Variants in FYN observed in about 807,000 individuals in gnomAD.
The protein encoded by FYN is FYN proto-oncogene, Src family tyrosine kinase, also known as tyrosine-protein kinase Fyn.
In FYN, 10 loss-of-function variants were observed where a neutral mutation model predicts 70.2. The observed-to-expected ratio is 0.14, with a 90% CI of 0.09 to 0.24. The LOEUF (loss-of-function observed/expected upper bound fraction) is 0.24, where lower values mean the gene tolerates loss of function less well. Among genes scored for constraint, FYN ranks in the 10% least tolerant of loss-of-function variants. FYN has a pLI of 1.00. For missense variants in FYN, 319 were observed against 673.1 expected (o/e 0.47, Z 5.82); for synonymous variants, 236 against 248.6 (o/e 0.95, Z 0.48).
intron 2 of FYN, among the ~76,000 whole-genome samples, chr6:111,834,338 C>T (rs187894646): frequency 2.8e-4 from 43 of 152,146 alleles, no homozygotes; most frequent in African/African-American, 9.2e-4. Flanking sequence ...CATACACACA[C>T]CTATTCCTTT....
chr6:111,751,125 T>C (rs1802465640), intron 3 of FYN, among the ~76,000 whole-genome samples: 1 of 152,260 alleles, frequency 6.6e-6, no homozygotes, highest in Admixed American at 6.5e-5. Context: ...ATTCTTTTCT[T>C]GCTCAACCTC....
intron 3 of FYN, among the ~76,000 whole-genome samples, chr6:111,760,182 C>T (rs748152893): frequency 5.9e-4 from 90 of 152,238 alleles, no homozygotes; most frequent in Non-Finnish European, 9.1e-4. Context: ...GCTCCTGCAA[C>T]CAGCAGCATA....
At chr6:111,801,709 G>C (rs1367829044) in intron 2 of FYN, among the ~76,000 whole-genome samples, 1 of 152,202 alleles carries the variant, frequency 6.6e-6, no homozygotes, top group Admixed American at 6.5e-5. Flanking sequence ...AATGAAAACA[G>C]TGCCTGGGTT....
At chr6:111,724,194 A>G (rs1216478290) in intron 3 of FYN, among the ~76,000 whole-genome samples, 2 of 152,192 alleles carry the variant, frequency 1.3e-5, no homozygotes, top group Admixed American at 1.3e-4. Context: ...ACAGGATTCA[A>G]GGAACGCCGC....
chr6:111,853,664 G>C (rs1002729644), intron 1 of FYN, among the ~76,000 whole-genome samples: 1 of 152,160 alleles, frequency 6.6e-6, no homozygotes, highest in African/African-American at 2.4e-5. Context: ...TGTCACCCAG[G>C]CTGGAGAGCA....
chr6:111,765,186 A>G (rs975915597), intron 3 of FYN, among the ~76,000 whole-genome samples: 2 of 152,148 alleles, frequency 1.3e-5, no homozygotes, highest in African/African-American at 2.4e-5. Flanking sequence ...AGAGGATCAG[A>G]AGAATTTTTA....
intron 2 of FYN, among the ~76,000 whole-genome samples, chr6:111,841,894 T>C (rs1007335696): frequency 2.0e-5 from 3 of 152,044 alleles, no homozygotes; most frequent in African/African-American, 7.2e-5. Flanking sequence ...TGGTCAGTTA[T>C]TACGCATGAT....
chr6:111,766,944 T>C (rs759056536), intron 3 of FYN, among the ~76,000 whole-genome samples: 2 of 152,176 alleles, frequency 1.3e-5, no homozygotes, highest in Non-Finnish European at 1.5e-5. Context: ...TCCTATTGTG[T>C]CCTACAATAT....
chr6:111,796,850 T>G (rs1192587451), intron 2 of FYN, among the ~76,000 whole-genome samples: 1 of 152,152 alleles, frequency 6.6e-6, no homozygotes, highest in Non-Finnish European at 1.5e-5. Context: ...GAAAATGAGA[T>G]GATGAGTCAG....
At chr6:111,690,509 A>ACTACTT (rs1444552956) in intron 12 of FYN, among the ~76,000 whole-genome samples, 4 of 152,168 alleles carry the variant, frequency 2.6e-5, no homozygotes, top group Non-Finnish European at 5.9e-5. Context: ...CCTGCATCTG[A>ACTACTT]CTACTTGGGA....
intron 8 of FYN, 50 bp downstream of exon 8, chr6:111,702,835 C>T: frequency 1.3e-6 from 2 of 1,582,020 alleles, no homozygotes; most frequent in Non-Finnish European, 1.7e-6. Flanking sequence ...TGGGCCTATC[C>T]ACTCCCTCCA....
intron 3 of FYN, among the ~76,000 whole-genome samples, chr6:111,772,126 CTG>C (rs1344634876): frequency 1.3e-5 from 2 of 152,100 alleles, no homozygotes; most frequent in Non-Finnish European, 2.9e-5. Context: ...CATGAGGAGC[CTG>C]TGTGGTACCT....
chr6:111,719,799 G>T lies in FYN; in HGVS notation c.247+6C>A. On this transcript the variant is annotated splice_donor_region_variant and intron_variant, in intron 4 of 13. Transcript: ENST00000354650. ...CTCTCTGCACTCTGTGACTTTGGGG[G>T]CTTACCTGTTCCTCCTCTCGTACGC... The T allele has an allele frequency of 6.2e-7, 1 of 1,613,440 alleles. No individual in the cohort carries two copies. Among genetic ancestry groups the T allele is most frequent in the Non-Finnish European group, 8.5e-7 (1 of 1,179,460 alleles).
intron 13 of FYN, among the ~76,000 whole-genome samples, chr6:111,669,841 G>T (rs117771757): frequency 0.01 from 1,567 of 152,016 alleles, 8 homozygotes; most frequent in Non-Finnish European, 0.018. Context: ...TCCATCAAAG[G>T]GACTCCCTTC....
At chr6:111,870,582 G>T (rs1006831071) in intron 1 of FYN, among the ~76,000 whole-genome samples, 9 of 152,172 alleles carry the variant, frequency 5.9e-5, no homozygotes, top group Non-Finnish European at 2.9e-5. Context: ...GTAAGATAAG[G>T]TTCCTTTTAT....
In FYN at chr6:111,726,999, C is replaced by T. The variant is rs536995782; in HGVS notation, c.-11-6937G>A. On this transcript the variant is annotated intron_variant, in intron 3 of 13. Coordinates refer to ENST00000354650, the MANE Select transcript of FYN (RefSeq NM_002037.5). ...GCTTCCTGAGGCCTTCCCAGCAATG[C>T]GGAACTGCAAGTCAATTAAACCTCT... Among the ~76,000 whole-genome samples the T allele has an allele frequency of 1.2e-4, 18 of 152,312 alleles. No individual in the cohort carries two copies. In the South Asian group the frequency reaches 1.7e-3, roughly 14 times the overall value.
At chr6:111,798,554 A>G (rs1771890614) in intron 2 of FYN, 1 of 152,324 alleles carries the variant, frequency 6.6e-6, no homozygotes, top group African/African-American at 2.4e-5. Flanking sequence ...CATTGGGCTG[A>G]CATTTGTCCT....
chr6:111,824,985 A>C (rs1234097381), intron 2 of FYN, among the ~76,000 whole-genome samples: 1 of 152,234 alleles, frequency 6.6e-6, no homozygotes, highest in Non-Finnish European at 1.5e-5. Context: ...CCCATCTCTG[A>C]GCATTGCAGG....
At chr6:111,698,645 A>T (rs969784297) in intron 9 of FYN, among the ~76,000 whole-genome samples, 3 of 152,244 alleles carry the variant, frequency 2.0e-5, no homozygotes, top group African/African-American at 7.2e-5. Context: ...CAAAAGGGCT[A>T]TAAAAGAAAT....
Sources: gnomAD v4.1 joint callset for allele counts (sites outside exome capture counted in the v4.1 genomes callset) on GRCh38, gnomAD v4.1.1 for gene constraint, MANE v1.5 for transcripts, NCBI Gene and HGNC (gene_info 2026-07-23, HGNC 2026-07-21) for gene names.